The following COL9A1 variants were observed in gnomAD, a reference collection of about 807,000 sequenced individuals.
The protein encoded by COL9A1 is collagen type IX alpha 1 chain.
COL9A1 carries 104 observed loss-of-function variants against 142.6 expected under a neutral mutation model. The ratio of observed to expected loss-of-function variants is 0.73; its 90% CI spans 0.62 to 0.86. The LOEUF is 0.86. Among genes scored for constraint, COL9A1 ranks in the 40% least tolerant of loss-of-function variants. The pLI, the probability that COL9A1 is intolerant of heterozygous loss-of-function variation, is 0.00. For synonymous variants in COL9A1, 466 were observed against 396.0 expected (o/e 1.18, Z -2.10); for missense variants, 1,210 against 1,176.6 (o/e 1.03, Z -0.42).
At chr6:70,244,379 A>G (rs1770457542) in intron 28 of COL9A1, among the ~76,000 whole-genome samples, 2 of 152,206 alleles carry the variant, frequency 1.3e-5, no homozygotes, top group African/African-American at 2.4e-5. Context: ...TCCTCTATCC[A>G]TCTATAAATA....
chr6:70,266,884 T>C (rs1772050896), intron 17 of COL9A1, 114 bp from the exon 18 acceptor site: 1 of 860,004 alleles, frequency 1.2e-6, no homozygotes, highest in Non-Finnish European at 2.0e-6. Context: ...AAGAAATGAG[T>C]TATGTCACAA....
chr6:70,218,145 AAATAAT>A (rs557920792), intron 37 of COL9A1, among the ~76,000 whole-genome samples: 2 of 152,152 alleles, frequency 1.3e-5, no homozygotes, highest in African/African-American at 4.8e-5. Flanking sequence ...TTCGTCTTAA[AAATAAT>A]AATAATAATA....
At chr6:70,271,406 G>A (rs1348001993) in intron 14 of COL9A1, among the ~76,000 whole-genome samples, 5 of 152,106 alleles carry the variant, frequency 3.3e-5, no homozygotes, top group African/African-American at 4.8e-5. Context: ...AAATGAGGAC[G>A]ACACTCTCTT....
rs533314598 is a variant in COL9A1, at chr6:70,288,101, C to T, written c.697-4281G>A. Among the ~76,000 whole-genome samples, 7 of 152,250 alleles carry T rather than the reference C, an allele frequency of 4.6e-5. No homozygotes were observed. In the South Asian group the frequency reaches 8.3e-4, roughly 18 times the overall value. On this transcript the variant is annotated intron_variant, in intron 5 of 37. Transcript: ENST00000357250. ...CCAACTTCATCTAGATGTCTAGTAA[C>T]GATCAAACTAACTCCAAAACCCAAA...
chr6:70,234,556 C>A lies in COL9A1; in HGVS notation c.2297G>T (p.Cys766Phe). The A allele has an allele frequency of 6.2e-7, 1 of 1,614,172 alleles. No individual in the cohort carries two copies. The highest frequency in any genetic ancestry group is 1.1e-5 in the South Asian group (1 of 91,080). The stretch of plus-strand genomic sequence containing the variant: ...TTATTTACCTTGTATGACTCTCATG[C>A]AAACCTGCTTAATGTGCTGATCTGT... The part of the protein sequence containing the change: ...APTDQHIKQV[C>F]MRVIQEHFAE... Residue 766 changes from cysteine (C) to phenylalanine (F), a missense_variant, in exon 35 of 38, where the codon TGC becomes TTC. Coordinates refer to ENST00000357250, the MANE Select transcript of COL9A1 (RefSeq NM_001851.6).
intron 33 of COL9A1, among the ~76,000 whole-genome samples, chr6:70,236,902 A>G (rs1226309400): frequency 6.6e-6 from 1 of 151,718 alleles, no homozygotes; most frequent in Middle Eastern, 3.2e-3. Flanking sequence ...GCTCACCACA[A>G]CCTCCACCTC....
At chr6:70,282,872 G>T in intron 7 of COL9A1, 26 bp downstream of exon 7, 1 of 1,614,122 alleles carries the variant, frequency 6.2e-7, no homozygotes, top group South Asian at 1.1e-5. Flanking sequence ...CTTGAAAAAT[G>T]CAAACACTCC....
intron 21 of COL9A1, among the ~76,000 whole-genome samples, chr6:70,255,623 G>T (rs1377456202): frequency 1.3e-5 from 2 of 152,124 alleles, no homozygotes; most frequent in African/African-American, 4.8e-5. Context: ...CCCCTTAAAT[G>T]CACTATGCCT....
intron 20 of COL9A1, among the ~76,000 whole-genome samples, chr6:70,257,982 C>CG (rs1771429280): frequency 6.6e-6 from 1 of 152,052 alleles, no homozygotes; most frequent in African/African-American, 2.4e-5. Flanking sequence ...ATAAAGTAAC[C>CG]GGCCTATTTT....
intron 35 of COL9A1, 58 bp from the exon 36 acceptor site, chr6:70,232,829 T>C (rs2127557816): frequency 1.3e-6 from 2 of 1,528,260 alleles, no homozygotes. Flanking sequence ...GTTATTCTAA[T>C]GAAAAGAGAG....
chr6:70,273,972 T>TAAAA (rs1554243964), intron 12 of COL9A1, 75 bp downstream of exon 12: 38 of 699,274 alleles, frequency 5.4e-5, no homozygotes, highest in East Asian at 5.3e-4. Flanking sequence ...AATAAATAAA[T>TAAAA]AAAAAGATTT....
At chr6:70,301,562 G>A (rs1774065296) in intron 2 of COL9A1, among the ~76,000 whole-genome samples, 1 of 152,216 alleles carries the variant, frequency 6.6e-6, no homozygotes, top group Non-Finnish European at 1.5e-5. Flanking sequence ...AGGTGACAGA[G>A]TGAGACTTCA....
chr6:70,241,924 C>T, intron 30 of COL9A1, 40 bp downstream of exon 30: 1 of 1,523,592 alleles, frequency 6.6e-7, no homozygotes, highest in Non-Finnish European at 9.0e-7. Context: ...AGAAATCACC[C>T]TTCCAAATAA....
intron 10 of COL9A1, chr6:70,279,666 A>AAAAAAAAAAAAAAAAC (rs1562322878): frequency 1.0e-4 from 17 of 170,814 alleles, no homozygotes; most frequent in African/African-American, 4.4e-4. Flanking sequence ...AAAAAAAAAA[A>AAAAAAAAAAAAAAAAC]AAAACACATA....
chr6:70,292,470 G>C (rs1477904828), intron 5 of COL9A1, among the ~76,000 whole-genome samples: 2 of 152,090 alleles, frequency 1.3e-5, no homozygotes, highest in Non-Finnish European at 2.9e-5. Context: ...AAAGTAATTG[G>C]TACTAACCGG....
chr6:70,294,651 T>C, intron 4 of COL9A1, 88 bp from the exon 5 acceptor site: 1 of 1,252,494 alleles, frequency 8.0e-7, no homozygotes, highest in South Asian at 1.2e-5. Flanking sequence ...CCATTTTAGA[T>C]GCCAGACCTA....
chr6:70,291,875 A>G (rs1252181548), intron 5 of COL9A1, among the ~76,000 whole-genome samples: 1 of 152,166 alleles, frequency 6.6e-6, no homozygotes, highest in Non-Finnish European at 1.5e-5. Flanking sequence ...ATTTCTTACA[A>G]GTTAATAGAT....
At chr6:70,290,323 C>A (rs1773610470) in intron 5 of COL9A1, among the ~76,000 whole-genome samples, 2 of 152,094 alleles carry the variant, frequency 1.3e-5, no homozygotes, top group Non-Finnish European at 2.9e-5. Flanking sequence ...GGAAACCAAG[C>A]TTTGCAGTGG....
intron 7 of COL9A1, 69 bp downstream of exon 7, chr6:70,282,829 C>G (rs1773248751): frequency 1.2e-6 from 2 of 1,611,124 alleles, no homozygotes; most frequent in South Asian, 1.1e-5. Context: ...ACAGCTCCCT[C>G]GACCGCTGCG....
Sources: gnomAD v4.1 joint callset for allele counts (sites outside exome capture counted in the v4.1 genomes callset) on GRCh38, gnomAD v4.1.1 for gene constraint, MANE v1.5 for transcripts, NCBI Gene and HGNC (gene_info 2026-07-23, HGNC 2026-07-21) for gene names.